Variants in KIAA0513 observed in about 807,000 individuals in gnomAD.
The protein encoded by KIAA0513 is KIAA0513.
In KIAA0513, 39 loss-of-function variants were observed where a neutral mutation model predicts 56.5. That is an observed-to-expected ratio of 0.69 (90% confidence interval 0.53 to 0.90). The LOEUF is 0.90. Ranked by LOEUF, KIAA0513 falls within the 40% of genes least tolerant of loss-of-function variation. KIAA0513 has a pLI of 0.00. For missense variants in KIAA0513, 591 were observed against 535.2 expected (o/e 1.10, Z -1.03); for synonymous variants, 268 against 215.6 (o/e 1.24, Z -2.13).
chr16:85,043,016 A>T (rs966702275), intron 1 of KIAA0513, among the ~76,000 whole-genome samples: 4 of 152,242 alleles, frequency 2.6e-5, no homozygotes, highest in African/African-American at 9.6e-5. Context: ...TTTATTTTTA[A>T]CAACTACGAG....
rs757213491 is a variant in KIAA0513, at chr16:85,077,671, C to A, written c.782+39C>A. On this transcript the variant is annotated intron_variant, in intron 6 of 12. Transcript: ENST00000683363. ...TGGGGTCCCTCCCACCTGCAGGGGA[C>A]TGGGGAGAGGCTGGTGTGGAGCTCG... The A allele has an allele frequency of 9.3e-6, 14 of 1,498,670 alleles. No individual in the cohort carries two copies. In the Admixed American group the frequency reaches 2.0e-4, roughly 22 times the overall value. 92.8% of individuals were successfully genotyped at this position (1,498,670 alleles called of 1,614,324 possible).
rs572754743 is a variant in KIAA0513 at position 85,053,108 on chromosome 16, C to T, written c.-172-13792C>T. Among the ~76,000 whole-genome samples, 34 of 152,206 alleles carry T rather than the reference C, an allele frequency of 2.2e-4. No homozygotes were observed. The South Asian group carries it at 3.7e-3, about 17-fold the overall frequency. On this transcript the variant is annotated intron_variant, in intron 1 of 12. Transcript: ENST00000683363. ...TTCACCATGTTGGCCAGGCTGGTCTCGAACTCCTGACCTCAGGTGATCCGC... is the reference window on the plus strand; with the variant it reads ...TTCACCATGTTGGCCAGGCTGGTCTTGAACTCCTGACCTCAGGTGATCCGC...
At chr16:85,079,024 TC>T in intron 8 of KIAA0513, 21 bp downstream of exon 8, 1 of 1,613,996 alleles carries the variant, frequency 6.2e-7, no homozygotes, top group Non-Finnish European at 8.5e-7. Context: ...GCCCGCGGCT[TC>T]CCGTCACCCT....
intron 1 of KIAA0513, among the ~76,000 whole-genome samples, chr16:85,043,359 CAG>C (rs945874373): frequency 8.0e-5 from 12 of 150,796 alleles, no homozygotes; most frequent in African/African-American, 2.9e-4. Context: ...CCTTCTCAAA[CAG>C]GGCATGAGAT....
At chr16:85,072,787 T>C (rs537894079) in intron 3 of KIAA0513, 138 bp from the exon 4 acceptor site, 2 of 797,542 alleles carry the variant, frequency 2.5e-6, no homozygotes, top group African/African-American at 1.7e-5. Flanking sequence ...GTGGGTTCTA[T>C]AGTGCAGAGG....
intron 2 of KIAA0513, among the ~76,000 whole-genome samples, chr16:85,068,009 C>G (rs1677632253): frequency 1.3e-5 from 2 of 151,900 alleles, no homozygotes; most frequent in African/African-American, 4.8e-5. Context: ...CAGGGTTTCA[C>G]CATGTTGGTC....
chr16:85,038,707 CAA>C (rs769470751), intron 1 of KIAA0513, among the ~76,000 whole-genome samples: 6 of 71,238 alleles, frequency 8.4e-5, no homozygotes, highest in Non-Finnish European at 5.9e-5. Flanking sequence ...GACTCAGCCT[CAA>C]AAAAAAAAAA....
At chr16:85,054,949 G>T (rs975519281) in intron 1 of KIAA0513, among the ~76,000 whole-genome samples, 1 of 152,052 alleles carries the variant, frequency 6.6e-6, no homozygotes, top group South Asian at 2.1e-4. Context: ...TTGAGGCAGG[G>T]TCTCTCTCTG....
intron 8 of KIAA0513, 24 bp downstream of exon 8, chr16:85,079,027 C>T (rs771297713): frequency 1.1e-5 from 17 of 1,613,990 alleles, no homozygotes; most frequent in South Asian, 7.7e-5. Context: ...CGCGGCTTCC[C>T]GTCACCCTCT....
intron 8 of KIAA0513, chr16:85,079,239 C>A: frequency 1.2e-6 from 1 of 806,900 alleles, no homozygotes; most frequent in Non-Finnish European, 1.8e-6. Context: ...AACAGTCTGG[C>A]AGTTCCTTTA....
intron 4 of KIAA0513, among the ~76,000 whole-genome samples, chr16:85,074,007 T>A (rs1188893600): frequency 2.0e-5 from 3 of 151,814 alleles, no homozygotes; most frequent in Non-Finnish European, 4.4e-5. Context: ...AGACAGGGTC[T>A]TGCTCTGTCA....
In KIAA0513 at chr16:85,093,598, A is replaced by G. The variant is rs2073892476; in HGVS notation, c.*5273A>G. 1 of 152,498 alleles carries G rather than the reference A, an allele frequency of 6.6e-6. No individual in the cohort carries two copies. The highest frequency in any genetic ancestry group is 1.5e-5 in the Non-Finnish European group (1 of 68,048). The allele number at this position is 152,498 out of a possible 1,614,324, so 9.4% of individuals were successfully genotyped here. On this transcript the variant is annotated 3_prime_UTR_variant, in exon 13 of 13. Transcript: ENST00000683363. ...CTCCTTAATCCTAGATGATTTGCTC[A>G]TGAAATAGAGGTGGGGGACGACCGC... is the stretch of plus-strand genomic sequence containing the variant.
intron 2 of KIAA0513, 78 bp downstream of exon 2, chr16:85,067,478 C>A (rs961056334): frequency 5.6e-5 from 68 of 1,206,622 alleles, no homozygotes; most frequent in Non-Finnish European, 7.5e-5. Context: ...CTCGGCTCTG[C>A]CTCTCCCCAG....
chr16:85,062,735 G>A (rs531291000), intron 1 of KIAA0513, among the ~76,000 whole-genome samples: 1 of 152,206 alleles, frequency 6.6e-6, no homozygotes, highest in Non-Finnish European at 1.5e-5. Flanking sequence ...TAGAAGCTCT[G>A]ATACTCCTGG....
chr16:85,066,663 T>C (rs1474481697), intron 1 of KIAA0513, among the ~76,000 whole-genome samples: 1 of 152,182 alleles, frequency 6.6e-6, no homozygotes, highest in Non-Finnish European at 1.5e-5. Context: ...AGAGGCCGTG[T>C]GCTGACAGTC....
chr16:85,071,271 G>A (rs577899568), intron 2 of KIAA0513, among the ~76,000 whole-genome samples: 5 of 152,308 alleles, frequency 3.3e-5, no homozygotes, highest in African/African-American at 9.6e-5. Flanking sequence ...AGGGATGAGC[G>A]AGCGCCCCGC....
intron 1 of KIAA0513, among the ~76,000 whole-genome samples, chr16:85,043,924 C>T (rs765342229): frequency 6.6e-6 from 1 of 152,062 alleles, no homozygotes; most frequent in Non-Finnish European, 1.5e-5. Flanking sequence ...CCCAGCTACT[C>T]GGGAAGCTAA....
intron 1 of KIAA0513, among the ~76,000 whole-genome samples, chr16:85,050,556 T>TC (rs2073238617): frequency 6.6e-6 from 1 of 152,038 alleles, no homozygotes; most frequent in South Asian, 2.1e-4. Flanking sequence ...CCTCAAGTGA[T>TC]CCCCCTGCCT....
At chr16:85,058,050 C>T (rs1226816317) in intron 1 of KIAA0513, among the ~76,000 whole-genome samples, 1 of 152,200 alleles carries the variant, frequency 6.6e-6, no homozygotes, top group African/African-American at 2.4e-5. Flanking sequence ...ATGTTCACAG[C>T]AGAATGACAA....
Sources: allele counts gnomAD v4.1 joint callset (sites outside exome capture counted in the v4.1 genomes callset), GRCh38; gene constraint gnomAD v4.1.1; transcripts MANE v1.5; gene names NCBI Gene and HGNC (gene_info 2026-07-23, HGNC 2026-07-21).